Variants in PRPSAP2 observed in about 807,000 individuals in gnomAD.
The protein encoded by PRPSAP2 is phosphoribosyl pyrophosphate synthase-associated protein 2.
Under a neutral mutation model 40.6 loss-of-function variants are expected in PRPSAP2, and 24 were observed. The observed-to-expected ratio is 0.59, with a 90% CI of 0.43 to 0.83. The LOEUF (loss-of-function observed/expected upper bound fraction) is 0.83. Among genes scored for constraint, PRPSAP2 ranks in the 40% least tolerant of loss-of-function variants. The probability of loss-of-function intolerance (pLI) is 0.00; values close to 1 mark genes in which losing one functional copy is unlikely to be tolerated. For synonymous variants in PRPSAP2, 149 were observed against 164.7 expected (o/e 0.90, Z 0.73); for missense variants, 292 against 465.6 (o/e 0.63, Z 3.43).
chr17:18,860,162 C>T lies in PRPSAP2; in HGVS notation c.-129+1901C>T, dbSNP rs528459687. Among the ~76,000 whole-genome samples, 29 of 152,274 alleles carry T rather than the reference C, an allele frequency of 1.9e-4. No individual in the cohort carries two copies. In the Middle Eastern group the frequency reaches 0.01, roughly 54 times the overall value. ...GCAACCTCTGCCTCCCAAGTTCAAG[C>T]GATTCTCCTGCCTCAGCTGCGCAAG... On this transcript the variant is annotated intron_variant, in intron 1 of 11. Coordinates refer to ENST00000268835, the MANE Select transcript of PRPSAP2 (RefSeq NM_002767.4).
intron 6 of PRPSAP2, among the ~76,000 whole-genome samples, chr17:18,881,261 A>C (rs2038710828): frequency 6.6e-6 from 1 of 151,512 alleles, no homozygotes; most frequent in African/African-American, 2.4e-5. Context: ...TTTGAGACCA[A>C]GTCTCCCCCT....
At chr17:18,904,750 C>A (rs1005323957) in intron 8 of PRPSAP2, 7 of 152,134 alleles carry the variant, frequency 4.6e-5, no homozygotes, top group African/African-American at 1.4e-4. Context: ...AAATTGTTTT[C>A]TCTGAATAAC....
chr17:18,903,394 TA>T (rs1430260422), intron 8 of PRPSAP2, among the ~76,000 whole-genome samples: 2 of 151,530 alleles, frequency 1.3e-5, no homozygotes, highest in African/African-American at 4.9e-5. Context: ...GAACAGGTAG[TA>T]AAATAACACA....
chr17:18,926,629 G>A (rs927660280), intron 10 of PRPSAP2, among the ~76,000 whole-genome samples: 9 of 152,080 alleles, frequency 5.9e-5, no homozygotes, highest in African/African-American at 2.2e-4. Flanking sequence ...CAGGAAGTAG[G>A]GGGCAATACA....
intron 9 of PRPSAP2, among the ~76,000 whole-genome samples, chr17:18,912,852 A>G (rs1473568859): frequency 6.6e-6 from 1 of 152,238 alleles, no homozygotes; most frequent in Non-Finnish European, 1.5e-5. Context: ...AGGGAGAAGT[A>G]GGAAGAAAGA....
intron 8 of PRPSAP2, among the ~76,000 whole-genome samples, chr17:18,896,189 G>A (rs1349347291): frequency 6.6e-6 from 1 of 152,186 alleles, no homozygotes; most frequent in African/African-American, 2.4e-5. Flanking sequence ...AGTGTTTGTT[G>A]TTGCTGTTGT....
intron 8 of PRPSAP2, chr17:18,904,757 T>TG: frequency 6.6e-6 from 1 of 152,212 alleles, no homozygotes; most frequent in Non-Finnish European, 1.5e-5. Context: ...TTTCTCTGAA[T>TG]AACTGAGTGA....
At chr17:18,899,061 C>T (rs1333929352) in intron 8 of PRPSAP2, among the ~76,000 whole-genome samples, 3 of 152,054 alleles carry the variant, frequency 2.0e-5, no homozygotes, top group Non-Finnish European at 4.4e-5. Context: ...TGCACCACCA[C>T]GCCCAGCTAC....
chr17:18,908,765 AG>A, intron 8 of PRPSAP2: 1 of 718,666 alleles, frequency 1.4e-6, no homozygotes, highest in South Asian at 1.5e-5. Flanking sequence ...GAGAAAAGAA[AG>A]GATCGGGCAA....
intron 1 of PRPSAP2, among the ~76,000 whole-genome samples, chr17:18,861,236 G>A (rs1054199585): frequency 1.4e-4 from 22 of 152,112 alleles, no homozygotes; most frequent in African/African-American, 3.4e-4. Context: ...AGGCTGAGGC[G>A]GGTGGATTAC....
intron 8 of PRPSAP2, among the ~76,000 whole-genome samples, chr17:18,897,991 C>CTTTTTTT (rs71155370): frequency 1.7e-5 from 2 of 116,332 alleles, no homozygotes; most frequent in Non-Finnish European, 3.5e-5. Context: ...AGAATTTTTG[C>CTTTTTTT]TTTTTTTTTT....
rs1046052480 is a variant in PRPSAP2, at chr17:18,926,376, C to T, written c.804+2392C>T. 4.0e-5 allele frequency among the ~76,000 whole-genome samples: 6 copies of T among 151,784 alleles called. No homozygotes were observed. The South Asian group carries it at 1.2e-3, about 32-fold the overall frequency. On this transcript the variant is annotated intron_variant, in intron 10 of 11. Coordinates refer to ENST00000268835, the MANE Select transcript of PRPSAP2 (RefSeq NM_002767.4). ...CCACCTCCTGGGTTCCAGCAATTCT[C>T]CTGCCTCAGCCTCCCAAGTAGCTGG...
intron 9 of PRPSAP2, among the ~76,000 whole-genome samples, chr17:18,918,075 A>G (rs28454756): frequency 0.098 from 14,755 of 151,112 alleles, 896 homozygotes; most frequent in African/African-American, 0.17. Flanking sequence ...AAATAGAGGG[A>G]AAAAAAAACC....
At chr17:18,918,917 AAATT>A (rs1268880826) in intron 9 of PRPSAP2, among the ~76,000 whole-genome samples, 1 of 152,248 alleles carries the variant, frequency 6.6e-6, no homozygotes, top group Non-Finnish European at 1.5e-5. Context: ...CATGTTATTA[AAATT>A]AATTTTACCT....
chr17:18,906,557 G>GCC (rs2040598128), intron 8 of PRPSAP2, among the ~76,000 whole-genome samples: 1 of 151,172 alleles, frequency 6.6e-6, no homozygotes, highest in South Asian at 2.1e-4. Context: ...GTCTCCCTGT[G>GCC]TTGCCCAGGC....
intron 10 of PRPSAP2, 79 bp from the exon 11 acceptor site, chr17:18,928,732 A>G (rs192961172): frequency 3.9e-4 from 617 of 1,578,032 alleles, no homozygotes; most frequent in Admixed American, 6.4e-4. Context: ...ATGTAGGCAG[A>G]CCCTTTTTTT....
At chr17:18,899,066 A>G (rs2040101216) in intron 8 of PRPSAP2, among the ~76,000 whole-genome samples, 1 of 151,932 alleles carries the variant, frequency 6.6e-6, no homozygotes, top group African/African-American at 2.4e-5. Context: ...CACCACGCCC[A>G]GCTACTTTTG....
chr17:18,883,224 G>T (rs1388544231), intron 7 of PRPSAP2, among the ~76,000 whole-genome samples: 1 of 151,856 alleles, frequency 6.6e-6, no homozygotes, highest in African/African-American at 2.4e-5. Flanking sequence ...CCTTCATTCT[G>T]TTAATGTGGT....
intron 8 of PRPSAP2, among the ~76,000 whole-genome samples, chr17:18,896,792 A>T (rs887735381): frequency 1.3e-5 from 2 of 152,110 alleles, no homozygotes; most frequent in African/African-American, 2.4e-5. Context: ...TTACCTGAGA[A>T]TGGGCTTCTT....
Sources: gnomAD v4.1 joint callset for allele counts (sites outside exome capture counted in the v4.1 genomes callset) on GRCh38, gnomAD v4.1.1 for gene constraint, MANE v1.5 for transcripts, NCBI Gene and HGNC (gene_info 2026-07-23, HGNC 2026-07-21) for gene names.